CHI3L2: variants seen among roughly 807,000 people sequenced by gnomAD.
CHI3L2 encodes chitinase-3-like protein 2.
CHI3L2 carries 47 observed loss-of-function variants against 47.3 expected under a neutral mutation model. The observed-to-expected ratio is 0.99, with a 90% CI of 0.79 to 1.27. The LOEUF (loss-of-function observed/expected upper bound fraction) is 1.27. CHI3L2 is among the 50% of genes most tolerant of loss of function. The probability of loss-of-function intolerance (pLI) is 0.00; values close to 1 mark genes in which losing one functional copy is unlikely to be tolerated. For missense variants in CHI3L2, 497 were observed against 462.1 expected, an observed-to-expected ratio of 1.08 and a Z score of -0.69; for synonymous variants, 198 against 169.9, an observed-to-expected ratio of 1.17 and a Z score of -1.28.
chr1:111,228,146 G>T (rs1369877447), intron 1 of CHI3L2, among the ~76,000 whole-genome samples: 2 of 152,126 alleles, frequency 1.3e-5, no homozygotes, highest in African/African-American at 4.8e-5. Context: ...ACAACTTTTG[G>T]AGAGCCCCAC....
rs373035324 is a variant in CHI3L2 at position 111,236,153 on chromosome 1, G to C, written c.735G>C (p.Val245=). The change falls in exon 7 of 11, where the codon GTG becomes GTC. Residue 245 remains valine (V), a splice_region_variant and synonymous_variant. Transcript: ENST00000369748. ...QDRGPSSYYN[V]EYAVGYWIHK... ...GAGGGCCAAGCTCCTACTACAATGT[G>C]GTGAGTAGGCCAGGGGAACCGCAGG... is the stretch of plus-strand genomic sequence containing the variant. 7.4e-6 allele frequency: 12 copies of C among 1,614,004 alleles called. No individual in the cohort carries two copies. Among genetic ancestry groups the C allele is most frequent in the South Asian group, 1.1e-5 (1 of 91,078 alleles).
intron 3 of CHI3L2, 76 bp downstream of exon 3, chr1:111,231,019 A>G (rs1659702534): frequency 8.6e-7 from 1 of 1,156,982 alleles, no homozygotes; most frequent in Non-Finnish European, 1.3e-6. Context: ...ACACTAAGAC[A>G]TACTATCTCA....
chr1:111,229,762 G>A, intron 1 of CHI3L2, 90 bp from the exon 2 acceptor site: 1 of 1,542,892 alleles, frequency 6.5e-7, no homozygotes, highest in African/African-American at 1.4e-5. Flanking sequence ...TATCTTGTAT[G>A]TGAGCACACC....
chr1:111,233,719 T>C (rs12065342), intron 4 of CHI3L2, among the ~76,000 whole-genome samples: 1 of 150,928 alleles, frequency 6.6e-6, no homozygotes, highest in East Asian at 1.9e-4. Flanking sequence ...GAACGGGCCA[T>C]GATGACAATG....
At chr1:111,239,506 C>T (rs909177041) in intron 8 of CHI3L2, 5 of 152,350 alleles carry the variant, frequency 3.3e-5, no homozygotes, top group Admixed American at 2.6e-4. Flanking sequence ...CACCCAAAAA[C>T]CTCCTACACC....
chr1:111,229,405 G>T (rs192262878), intron 1 of CHI3L2, among the ~76,000 whole-genome samples: 1 of 152,112 alleles, frequency 6.6e-6, no homozygotes, highest in African/African-American at 2.4e-5. Context: ...ACCACAGGCC[G>T]GGCGCGGTGG....
At chr1:111,232,773 A>G (rs1659762976) in intron 4 of CHI3L2, among the ~76,000 whole-genome samples, 2 of 152,240 alleles carry the variant, frequency 1.3e-5, no homozygotes, top group South Asian at 4.1e-4. Context: ...GTAAATTTCT[A>G]TTGAATGGGC....
intron 8 of CHI3L2, 118 bp downstream of exon 8, chr1:111,239,050 T>A (rs1659971540): frequency 1.0e-6 from 1 of 987,074 alleles, no homozygotes; most frequent in Non-Finnish European, 1.5e-6. Context: ...GGCAGAGTAC[T>A]ACTGAACATG....
intron 10 of CHI3L2, 161 bp downstream of exon 10, chr1:111,242,527 T>C (rs1266890705): frequency 1.9e-5 from 11 of 587,208 alleles, no homozygotes; most frequent in Non-Finnish European, 2.9e-5. Flanking sequence ...TCTGCCCTTT[T>C]CATAGGCTTC....
intron 1 of CHI3L2, among the ~76,000 whole-genome samples, 180 bp downstream of exon 1, chr1:111,227,949 A>G (rs937817657): frequency 6.6e-6 from 1 of 152,224 alleles, no homozygotes; most frequent in African/African-American, 2.4e-5. Flanking sequence ...TCCTGAATGG[A>G]CAAAAATGCA....
chr1:111,238,901 C>A lies in CHI3L2; in HGVS notation c.887C>A (p.Thr296Lys). The A allele has an allele frequency of 6.2e-7, 1 of 1,609,464 alleles. No homozygotes were observed. Among genetic ancestry groups the A allele is most frequent in the Non-Finnish European group, 8.5e-7 (1 of 1,178,206 alleles). The change falls in exon 8 of 11, where the codon ACA becomes AAA. Residue 296 changes from threonine (T) to lysine (K), a missense_variant. Coordinates refer to ENST00000369748, the MANE Select transcript of CHI3L2 (RefSeq NM_004000.3). ...GGCCCTGGAGCTGCTGGACCCATCA[C>A]AGAGTCTTCAGGCTTCCTGGCCTAT... ...ASGPGAAGPITESSGFLAYYE... is the reference protein window; with the variant it reads ...ASGPGAAGPIKESSGFLAYYE...
At chr1:111,230,155 T>C (rs867470382) in intron 2 of CHI3L2, among the ~76,000 whole-genome samples, 8 of 152,170 alleles carry the variant, frequency 5.3e-5, no homozygotes, top group South Asian at 2.1e-4. Context: ...TATTATCTGT[T>C]TCTCTACTGA....
In CHI3L2 at chr1:111,239,901, G is replaced by A. The variant is rs962393932; in HGVS notation, c.918+969G>A. On this transcript the variant is annotated intron_variant, in intron 8 of 10. Coordinates refer to ENST00000369748, the MANE Select transcript of CHI3L2 (RefSeq NM_004000.3). ...TTGTCTCTAAAGGGGTTATTGTCAA[G>A]GTGGAAAGAATGTGAAATACAGACA... 6.6e-5 allele frequency among the ~76,000 whole-genome samples: 10 copies of A among 152,286 alleles called. No homozygotes were observed. In the South Asian group the frequency reaches 1.9e-3, roughly 28 times the overall value.
At chr1:111,235,133 G>T in intron 5 of CHI3L2, 76 bp downstream of exon 5, 1 of 1,474,664 alleles carries the variant, frequency 6.8e-7, no homozygotes, top group Non-Finnish European at 9.3e-7. Flanking sequence ...AGAATCCATG[G>T]CCACATTGGG....
In CHI3L2 at chr1:111,235,625, T is replaced by C; in HGVS notation, c.481-14T>C. The C allele has an allele frequency of 6.2e-7, 1 of 1,611,704 alleles. No individual in the cohort carries two copies. The highest frequency in any genetic ancestry group is 8.5e-7 in the Non-Finnish European group (1 of 1,179,072). ...GAAGGGGAATATTGCACCTCGTTTC[T>C]TTGTTTTTCCTAGGAGTTAGCAGAA... On this transcript the variant is annotated splice_polypyrimidine_tract_variant and intron_variant, in intron 5 of 10. Transcript: ENST00000369748.
chr1:111,228,417 GAA>G (rs1659591649), intron 1 of CHI3L2, among the ~76,000 whole-genome samples: 1 of 152,230 alleles, frequency 6.6e-6, no homozygotes, highest in Non-Finnish European at 1.5e-5. Flanking sequence ...CTCAAGCCAT[GAA>G]GCCCCCACTT....
chr1:111,237,889 A>G lies in CHI3L2; in HGVS notation c.736-861A>G, dbSNP rs562932182. 2.0e-5 allele frequency among the ~76,000 whole-genome samples: 3 copies of G among 152,322 alleles called. No homozygotes were observed. In the South Asian group the frequency reaches 6.2e-4, roughly 32 times the overall value. On this transcript the variant is annotated intron_variant, in intron 7 of 10. Transcript: ENST00000369748. ...GAGACCTTAAGACTGATAGAAGAGA[A>G]TTTCTAAGTCTGATGAGAAACATTT... is the stretch of plus-strand genomic sequence containing the variant.
chr1:111,236,723 G>A (rs775532405), intron 7 of CHI3L2, among the ~76,000 whole-genome samples: 13 of 152,128 alleles, frequency 8.5e-5, no homozygotes, highest in Non-Finnish European at 1.8e-4. Context: ...GGTTCTCCTT[G>A]CCCATTGATT....
chr1:111,231,081 G>A lies in CHI3L2; in HGVS notation c.272+138G>A. 6 of 950,142 alleles carry A rather than the reference G, an allele frequency of 6.3e-6. No individual in the cohort carries two copies. In the South Asian group the frequency reaches 8.5e-5, roughly 13 times the overall value. 58.9% of individuals were successfully genotyped at this position (950,142 alleles called of 1,614,324 possible). Reference sequence around the variant, plus strand: ...TCTGGGTGTATTTCTGATCCTAACTGTTCTCACCAGTGCTTCATCCCTTCA... The same window carrying A: ...TCTGGGTGTATTTCTGATCCTAACTATTCTCACCAGTGCTTCATCCCTTCA... On this transcript the variant is annotated intron_variant, in intron 3 of 10. Transcript: ENST00000369748.
Sources: allele counts gnomAD v4.1 joint callset (sites outside exome capture counted in the v4.1 genomes callset), GRCh38; gene constraint gnomAD v4.1.1; transcripts MANE v1.5; gene names NCBI Gene and HGNC (gene_info 2026-07-23, HGNC 2026-07-21).